The following ZNF257 variants were observed in gnomAD, a reference collection of about 807,000 sequenced individuals.
ZNF257 encodes the protein bone marrow zinc finger 4.
A neutral mutation model predicts 11.9 loss-of-function variants in ZNF257; 12 were observed. The observed-to-expected ratio is 1.01, with a 90% CI of 0.65 to 1.63. The LOEUF (loss-of-function observed/expected upper bound fraction) is 1.63. Ranked by LOEUF, ZNF257 falls within the 40% of genes most tolerant of loss-of-function variation. The probability of loss-of-function intolerance (pLI) is 0.00; values close to 1 mark genes in which losing one functional copy is unlikely to be tolerated. For synonymous variants in ZNF257, 183 were observed against 222.7 expected (o/e 0.82, Z 1.59); for missense variants, 580 against 665.5 (o/e 0.87, Z 1.41).
Position 22,089,798 on chromosome 19 carries a change from T to A in ZNF257, c.*356T>A. 3.4e-6 allele frequency: 1 copy of A among 296,634 alleles called. No homozygotes were observed. The highest frequency in any genetic ancestry group is 6.4e-6 in the Non-Finnish European group (1 of 155,288). 18.4% of individuals were successfully genotyped at this position (296,634 alleles called of 1,614,324 possible). On this transcript the variant is annotated 3_prime_UTR_variant, in exon 4 of 4. Transcript: ENST00000594947. ...CAGAAATCCTAAAGTGTGAAGAATGTCACAAAGCCCTTAATAAGTCCTCAA... is the reference window on the plus strand; with the variant it reads ...CAGAAATCCTAAAGTGTGAAGAATGACACAAAGCCCTTAATAAGTCCTCAA...
At chr19:22,053,558 T>C (rs1971751347) in intron 1 of ZNF257, among the ~76,000 whole-genome samples, 1 of 152,174 alleles carries the variant, frequency 6.6e-6, no homozygotes, top group Non-Finnish European at 1.5e-5. Flanking sequence ...CCTTGTTATG[T>C]AATCAGAGGT....
At chr19:22,072,430 A>G (rs2022124916) in intron 1 of ZNF257, among the ~76,000 whole-genome samples, 1 of 152,092 alleles carries the variant, frequency 6.6e-6, no homozygotes, top group African/African-American at 2.4e-5. Flanking sequence ...GTTTGACAAA[A>G]TATTCTTCTT....
intron 1 of ZNF257, among the ~76,000 whole-genome samples, chr19:22,056,181 C>G (rs1385444907): frequency 1.3e-5 from 2 of 151,862 alleles, no homozygotes; most frequent in African/African-American, 4.8e-5. Context: ...CGGGGGAGCA[C>G]TGTCTCGTGC....
chr19:22,057,461 G>T (rs1177400260), intron 1 of ZNF257, among the ~76,000 whole-genome samples: 4 of 152,016 alleles, frequency 2.6e-5, no homozygotes, highest in African/African-American at 9.7e-5. Flanking sequence ...ACAGAGCCCT[G>T]GAAAGCCGGG....
chr19:22,074,708 G>C (rs2022187503), intron 3 of ZNF257, among the ~76,000 whole-genome samples: 1 of 151,542 alleles, frequency 6.6e-6, no homozygotes, highest in Admixed American at 6.6e-5. Context: ...TATTTTACCA[G>C]ATAGTTTGTT....
At chr19:22,069,256 T>C (rs527681035) in intron 1 of ZNF257, among the ~76,000 whole-genome samples, 2 of 152,268 alleles carry the variant, frequency 1.3e-5, no homozygotes, top group South Asian at 2.1e-4. Context: ...ATGGTTGATA[T>C]AATAAATAGA....
Position 22,073,557 on chromosome 19 carries a change from A to C in ZNF257, c.219A>C (p.Lys73Asn). 6.2e-7 allele frequency: 1 copy of C among 1,610,502 alleles called. No homozygotes were observed. Among genetic ancestry groups the C allele is most frequent in the South Asian group, 1.1e-5 (1 of 90,588 alleles). The change falls in exon 3 of 4, where the codon AAA (lysine) becomes AAC (asparagine). Residue 73 changes from lysine to asparagine, a missense_variant. Lys to Asn is a moderately conservative substitution (Grantham distance 94, BLOSUM62 0). Transcript: ENST00000594947. ...TGAAGAGACATGAGATGGTAGCCAA[A>C]CCCCCAGGTAGGTGAGAGTGAAAGC... is the stretch of plus-strand genomic sequence containing the variant. Reference protein sequence around the residue: ...CNMKRHEMVAKPPVMCSHIAE... With the variant: ...CNMKRHEMVANPPVMCSHIAE...
chr19:22,068,494 T>G (rs916539037), intron 1 of ZNF257, among the ~76,000 whole-genome samples: 1 of 152,068 alleles, frequency 6.6e-6, no homozygotes, highest in African/African-American at 2.4e-5. Context: ...GGTTTTAGAT[T>G]AAGAAGGTAA....
At chr19:22,081,051 G>C (rs1044043011) in intron 3 of ZNF257, among the ~76,000 whole-genome samples, 1 of 151,626 alleles carries the variant, frequency 6.6e-6, no homozygotes, top group African/African-American at 2.4e-5. Context: ...GCTAATTTTT[G>C]TATTTTTAGT....
At chr19:22,062,289 A>C (rs1464652938) in intron 1 of ZNF257, among the ~76,000 whole-genome samples, 1 of 145,246 alleles carries the variant, frequency 6.9e-6, no homozygotes, top group Admixed American at 7.0e-5. Context: ...GCAGTGGCGA[A>C]TTTTTTTTGT....
chr19:22,059,951 A>G (rs145226365), intron 1 of ZNF257, among the ~76,000 whole-genome samples: 66 of 152,242 alleles, frequency 4.3e-4, no homozygotes, highest in Middle Eastern at 6.8e-3. Flanking sequence ...GCTGCTGTCA[A>G]ACTCCTGAGC....
Position 22,088,834 on chromosome 19 carries a change from CATAAG to C in ZNF257, c.1089_1093del (p.Lys363AsnfsTer4). ...TAACCGGTCTTCACACCTTACTCAA[CATAAG>C]ATAATTCATACTAAAGAGAAACCCT... is the stretch of plus-strand genomic sequence containing the variant. On this transcript the variant is annotated frameshift_variant, in exon 4 of 4. Transcript: ENST00000594947. LOFTEE classifies it low-confidence loss of function (END_TRUNC). 3 of 1,613,478 alleles carry C rather than the reference CATAAG, an allele frequency of 1.9e-6. No individual in the cohort carries two copies. Among genetic ancestry groups the C allele is most frequent in the Non-Finnish European group, 2.5e-6 (3 of 1,179,754 alleles).
intron 1 of ZNF257, among the ~76,000 whole-genome samples, chr19:22,060,180 G>A (rs547688809): frequency 5.9e-5 from 9 of 152,218 alleles, no homozygotes; most frequent in South Asian, 4.1e-4. Context: ...CAATTAAGAG[G>A]TTGCTAGGTC....
chr19:22,078,814 C>T lies in ZNF257; in HGVS notation c.226+5250C>T, dbSNP rs1351139055. Among the ~76,000 whole-genome samples the T allele has an allele frequency of 4.2e-4, 53 of 126,370 alleles. 1 individual carries two copies. The highest frequency in any genetic ancestry group is 1.5e-3 in the South Asian group (6 of 3,942). 82.9% of individuals were successfully genotyped at this position (126,370 alleles called of 152,430 possible). A position where few individuals can be genotyped will look rare whatever the true frequency, so the allele number is the denominator to read the frequency against. ...TTTCTTTTTTTTTTTTTTTTTGAGA[C>T]GGAGTTTTGCTCTTGTTGCCCAGGC... On this transcript the variant is annotated intron_variant, in intron 3 of 3. Coordinates refer to ENST00000594947, the MANE Select transcript of ZNF257 (RefSeq NM_033468.4).
At chr19:22,087,599 T>C in intron 3 of ZNF257, 2 of 1,228,410 alleles carry the variant, frequency 1.6e-6, no homozygotes, top group Non-Finnish European at 2.0e-6. Context: ...TAGAAATGTA[T>C]GTGCCAATAT....
intron 1 of ZNF257, among the ~76,000 whole-genome samples, chr19:22,060,135 T>C (rs1352463631): frequency 6.6e-6 from 1 of 152,242 alleles, no homozygotes; most frequent in Non-Finnish European, 1.5e-5. Context: ...GCATGTGTCA[T>C]GATGGAATAA....
chr19:22,062,565 C>A (rs1233448241), intron 1 of ZNF257, among the ~76,000 whole-genome samples: 1 of 151,606 alleles, frequency 6.6e-6, no homozygotes, highest in Non-Finnish European at 1.5e-5. Flanking sequence ...TTACCACAAC[C>A]TCCACCTCCT....
At chr19:22,067,720 A>G (rs1013450542) in intron 1 of ZNF257, among the ~76,000 whole-genome samples, 1 of 152,050 alleles carries the variant, frequency 6.6e-6, no homozygotes, top group Admixed American at 6.6e-5. Flanking sequence ...CTGTAATCCC[A>G]GCTACTTGGG....
chr19:22,062,062 A>ATAT (rs1441339705), intron 1 of ZNF257, among the ~76,000 whole-genome samples: 6 of 139,870 alleles, frequency 4.3e-5, no homozygotes, highest in Non-Finnish European at 7.7e-5. Context: ...TTTGCTGAGG[A>ATAT]TTTTTTTTTT....
Sources: allele counts gnomAD v4.1 joint callset (sites outside exome capture counted in the v4.1 genomes callset), GRCh38; gene constraint gnomAD v4.1.1; transcripts MANE v1.5; gene names NCBI Gene and HGNC (gene_info 2026-07-23, HGNC 2026-07-21).